Variants in CCDC169 observed in about 807,000 individuals in gnomAD.
The protein encoded by CCDC169 is coiled-coil domain containing 169, also known as coiled-coil domain-containing protein 169.
A neutral mutation model predicts 36.0 loss-of-function variants in CCDC169; 30 were observed. The observed-to-expected ratio is 0.83, with a 90% CI of 0.62 to 1.13. The LOEUF (loss-of-function observed/expected upper bound fraction) is 1.13. Ranked by LOEUF, CCDC169 falls within the 50% of genes most tolerant of loss-of-function variation. The pLI is 0.00. For synonymous variants in CCDC169, 85 were observed against 81.5 expected (o/e 1.04, Z -0.23); for missense variants, 245 against 245.9 (o/e 1.00, Z 0.03).
chr13:36,280,082 A>G (rs1430624986), intron 4 of CCDC169: 6 of 85,428 alleles, frequency 7.0e-5, no homozygotes, highest in Non-Finnish European at 1.1e-4. Flanking sequence ...CTTTATTAAC[A>G]TGAATGGAAT....
intron 6 of CCDC169, among the ~76,000 whole-genome samples, chr13:36,248,888 C>T (rs1186603165): frequency 7.6e-6 from 1 of 132,016 alleles, no homozygotes; most frequent in East Asian, 2.3e-4. Context: ...CTCAGCCCCA[C>T]AGTCCATGTG....
chr13:36,247,440 G>T (rs1378230895), intron 7 of CCDC169, among the ~76,000 whole-genome samples: 1 of 152,156 alleles, frequency 6.6e-6, no homozygotes, highest in East Asian at 1.9e-4. Flanking sequence ...TTCTGGAAAG[G>T]ATTCATCATT....
At chr13:36,226,880 C>T (rs539834847), downstream of CCDC169, 1 of 363,300 alleles carries the variant, frequency 2.8e-6, no homozygotes, top group East Asian at 4.0e-5. Context: ...TATTTGTGCC[C>T]CAAATCTCAG....
chr13:36,261,592 G>A (rs1443734652), intron 4 of CCDC169, among the ~76,000 whole-genome samples: 2 of 152,164 alleles, frequency 1.3e-5, no homozygotes, highest in Non-Finnish European at 2.9e-5. Context: ...ATCCTTTTCA[G>A]GTGGGACTGG....
chr13:36,245,790 T>C (rs1317564888), intron 7 of CCDC169, among the ~76,000 whole-genome samples: 1 of 152,238 alleles, frequency 6.6e-6, no homozygotes, highest in Non-Finnish European at 1.5e-5. Flanking sequence ...TCAAAGATAC[T>C]GCATTTTTTA....
chr13:36,288,598 T>C (rs1878520151), intron 2 of CCDC169, among the ~76,000 whole-genome samples: 1 of 152,168 alleles, frequency 6.6e-6, no homozygotes, highest in Admixed American at 6.5e-5. Context: ...ATCCAGAAAA[T>C]CCTAACATCT....
chr13:36,294,435 T>C (rs1879244137), intron 2 of CCDC169, among the ~76,000 whole-genome samples: 1 of 152,186 alleles, frequency 6.6e-6, no homozygotes, highest in South Asian at 2.1e-4. Context: ...TAGAGGAAGC[T>C]ACTTCAGCCT....
At chr13:36,259,093 C>T (rs1392017329) in intron 4 of CCDC169, among the ~76,000 whole-genome samples, 2 of 152,144 alleles carry the variant, frequency 1.3e-5, no homozygotes, top group African/African-American at 4.8e-5. Flanking sequence ...TCCAGGGACT[C>T]CCAGGATCCT....
At chr13:36,239,024 G>T (rs955324212) in intron 7 of CCDC169, among the ~76,000 whole-genome samples, 1 of 152,060 alleles carries the variant, frequency 6.6e-6, no homozygotes, top group Non-Finnish European at 1.5e-5. Context: ...GAGCCCAGGA[G>T]ATTAATACCA....
intron 7 of CCDC169, among the ~76,000 whole-genome samples, chr13:36,247,326 C>A (rs1172069832): frequency 2.6e-5 from 4 of 152,074 alleles, no homozygotes. Context: ...GCCCATGGAT[C>A]AAGGAGTAAT....
At chr13:36,228,519 A>G (rs1417742444), downstream of CCDC169, among the ~76,000 whole-genome samples, 2 of 152,056 alleles carry the variant, frequency 1.3e-5, no homozygotes, top group Non-Finnish European at 2.9e-5. Context: ...AAGACCCTAA[A>G]CTGTCATTTT....
intron 7 of CCDC169, among the ~76,000 whole-genome samples, chr13:36,235,250 A>G (rs1432729786): frequency 6.6e-6 from 1 of 151,848 alleles, no homozygotes; most frequent in African/African-American, 2.4e-5. Flanking sequence ...ATTAAATCAT[A>G]CATATATAAA....
intron 6 of CCDC169, among the ~76,000 whole-genome samples, chr13:36,249,598 T>TA: frequency 6.6e-6 from 1 of 152,278 alleles, no homozygotes; most frequent in African/African-American, 2.4e-5. Flanking sequence ...AAAAGAAAGC[T>TA]AAGGTGGTAG....
intron 2 of CCDC169, among the ~76,000 whole-genome samples, chr13:36,294,012 A>G (rs1879200839): frequency 6.6e-6 from 1 of 152,166 alleles, no homozygotes; most frequent in Non-Finnish European, 1.5e-5. Context: ...CTACCTGGCT[A>G]TATTACCTTA....
At chr13:36,261,767 AT>A (rs1216172947) in intron 4 of CCDC169, among the ~76,000 whole-genome samples, 10 of 152,178 alleles carry the variant, frequency 6.6e-5, no homozygotes, top group Non-Finnish European at 7.3e-5. Flanking sequence ...GGAAAGCTGT[AT>A]TCTTTATGAT....
At chr13:36,271,247 CA>C (rs200857912) in intron 4 of CCDC169, among the ~76,000 whole-genome samples, 56 of 149,186 alleles carry the variant, frequency 3.8e-4, no homozygotes, top group East Asian at 7.8e-4. Flanking sequence ...ATTAAAAAGT[CA>C]AAAAAAAATA....
At chr13:36,242,321 A>G (rs1871934714) in intron 7 of CCDC169, among the ~76,000 whole-genome samples, 1 of 152,140 alleles carries the variant, frequency 6.6e-6, no homozygotes, top group Admixed American at 6.5e-5. Context: ...TTTAATTTGC[A>G]TTCTGCTGAT....
intron 2 of CCDC169, among the ~76,000 whole-genome samples, chr13:36,293,783 C>G (rs756436916): frequency 6.6e-6 from 1 of 152,142 alleles, no homozygotes; most frequent in Non-Finnish European, 1.5e-5. Flanking sequence ...CTGATTGCAA[C>G]CAGAGACCCC....
chr13:36,255,934 C>G (rs912929), intron 4 of CCDC169, among the ~76,000 whole-genome samples: 61,667 of 152,058 alleles, frequency 0.41, 13,292 homozygotes, highest in Non-Finnish European at 0.48. Flanking sequence ...CCACCCTTGA[C>G]CAGATGCAGG....
Sources: gnomAD v4.1 joint callset for allele counts (sites outside exome capture counted in the v4.1 genomes callset) on GRCh38, gnomAD v4.1.1 for gene constraint, MANE v1.5 for transcripts, NCBI Gene and HGNC (gene_info 2026-07-23, HGNC 2026-07-21) for gene names.